MRPL1: variants seen among roughly 807,000 people sequenced by gnomAD.
MRPL1 encodes the protein large ribosomal subunit protein uL1m.
Under a neutral mutation model 38.0 loss-of-function variants are expected in MRPL1, and 28 were observed. The ratio of observed to expected loss-of-function variants is 0.74; its 90% CI spans 0.55 to 1.01. The LOEUF is 1.01. Ranked by LOEUF, MRPL1 falls within the 50% of genes least tolerant of loss-of-function variation. MRPL1 has a pLI of 0.00. For synonymous variants in MRPL1, 123 were observed against 126.7 expected (o/e 0.97, Z 0.20); for missense variants, 358 against 389.8 (o/e 0.92, Z 0.69).
intron 5 of MRPL1, among the ~76,000 whole-genome samples, chr4:77,891,576 G>A (rs181832544): frequency 5.0e-4 from 76 of 152,156 alleles, no homozygotes; most frequent in African/African-American, 1.6e-3. Context: ...GACTGGTCTC[G>A]AACTCCTGGC....
intron 7 of MRPL1, among the ~76,000 whole-genome samples, chr4:77,923,897 G>A (rs1736646874): frequency 6.6e-6 from 1 of 151,964 alleles, no homozygotes; most frequent in Non-Finnish European, 1.5e-5. Context: ...TGAACCTCAG[G>A]GGCGGAAGCA....
chr4:77,885,274 A>G lies in MRPL1; in HGVS notation c.421A>G (p.Thr141Ala), dbSNP rs1269008211. ...TGTTTAGAAAAACGTGGAGCCATTTACCAGTGTTCTTAGTTTGCCATACCC... is the reference window on the plus strand; with the variant it reads ...TGTTTAGAAAAACGTGGAGCCATTTGCCAGTGTTCTTAGTTTGCCATACCC... ...LGKKKNVEPF[T>A]SVLSLPYPFA... is the part of the protein sequence containing the mutation. Residue 141 changes from threonine (T) to alanine (A), a missense_variant, in exon 4 of 9, where the codon ACC becomes GCC. Transcript: ENST00000315567. 4 of 1,613,658 alleles carry G rather than the reference A, an allele frequency of 2.5e-6. No individual in the cohort carries two copies. Among genetic ancestry groups the G allele is most frequent in the Non-Finnish European group, 3.4e-6 (4 of 1,179,562 alleles).
intron 5 of MRPL1, among the ~76,000 whole-genome samples, chr4:77,888,144 A>C (rs1374294719): frequency 1.3e-5 from 2 of 152,284 alleles, no homozygotes; most frequent in East Asian, 1.9e-4. Context: ...TTTAGCTTCT[A>C]ATCCTTTCAG....
At chr4:77,877,180 G>A (rs762243486) in intron 2 of MRPL1, among the ~76,000 whole-genome samples, 6 of 152,192 alleles carry the variant, frequency 3.9e-5, no homozygotes, top group Middle Eastern at 3.2e-3. Flanking sequence ...GATTACAGGC[G>A]TTAGCCACCA....
At chr4:77,927,580 G>T (rs920986778) in intron 7 of MRPL1, among the ~76,000 whole-genome samples, 1 of 151,664 alleles carries the variant, frequency 6.6e-6, no homozygotes, top group African/African-American at 2.4e-5. Flanking sequence ...TACTTGTTCT[G>T]TTTCAGTTTA....
chr4:77,880,260 C>T (rs920064588), intron 2 of MRPL1, among the ~76,000 whole-genome samples: 1 of 152,136 alleles, frequency 6.6e-6, no homozygotes, highest in African/African-American at 2.4e-5. Context: ...CCTTGCAATC[C>T]CCAGCTTCAA....
At chr4:77,951,014 G>A (rs538400036) in intron 8 of MRPL1, among the ~76,000 whole-genome samples, 2 of 152,266 alleles carry the variant, frequency 1.3e-5, no homozygotes, top group East Asian at 3.9e-4. Flanking sequence ...GGGATTACAG[G>A]CACCTGCCAC....
At chr4:77,940,096 G>C (rs1223797599) in intron 7 of MRPL1, among the ~76,000 whole-genome samples, 1 of 152,058 alleles carries the variant, frequency 6.6e-6, no homozygotes, top group Non-Finnish European at 1.5e-5. Context: ...TCGGTATTTT[G>C]ATAGGAGTTG....
intron 6 of MRPL1, among the ~76,000 whole-genome samples, chr4:77,906,255 CTGA>C (rs1736155861): frequency 6.6e-6 from 1 of 152,068 alleles, no homozygotes; most frequent in Non-Finnish European, 1.5e-5. Context: ...TGAACTCCTG[CTGA>C]TAGGTCAAGT....
At chr4:77,883,738 C>T (rs183769590) in intron 3 of MRPL1, among the ~76,000 whole-genome samples, 1 of 152,064 alleles carries the variant, frequency 6.6e-6, no homozygotes, top group East Asian at 1.9e-4. Flanking sequence ...CTACCACGCC[C>T]AGCTAATTTT....
intron 6 of MRPL1, among the ~76,000 whole-genome samples, chr4:77,900,193 T>A (rs1370299354): frequency 6.6e-6 from 1 of 152,226 alleles, no homozygotes; most frequent in Non-Finnish European, 1.5e-5. Flanking sequence ...GAAGCTATTC[T>A]TTTTCATGTA....
At position 77,949,846 on chromosome 4, in the gene MRPL1, A is replaced by G. The variant is rs1208058715; in HGVS notation, c.827A>G (p.Asn276Ser). The G allele has an allele frequency of 1.2e-6, 2 of 1,611,766 alleles. No individual in the cohort carries two copies. Among genetic ancestry groups the G allele is most frequent in the Admixed American group, 3.4e-5 (2 of 59,604 alleles). ...QIAANLQAVI[N>S]EVCRHRPLNL... ...GCTGCCAATCTGCAAGCAGTTATTA[A>G]TGAAGTTTGTAGGCACAGACCGCTG... is the stretch of plus-strand genomic sequence containing the variant. Residue 276 changes from asparagine (N) to serine (S), a missense_variant, in exon 8 of 9, where the codon AAT becomes AGT. By Grantham distance (46) the Asn-to-Ser change is conservative (BLOSUM62 1). Coordinates refer to ENST00000315567, the MANE Select transcript of MRPL1 (RefSeq NM_020236.4).
At chr4:77,939,348 G>A (rs938632414) in intron 7 of MRPL1, among the ~76,000 whole-genome samples, 2 of 152,120 alleles carry the variant, frequency 1.3e-5, no homozygotes, top group African/African-American at 4.8e-5. Context: ...TTTGAGAATT[G>A]TCTCCCCATG....
chr4:77,921,688 T>C (rs1736584281), intron 7 of MRPL1, among the ~76,000 whole-genome samples: 1 of 152,094 alleles, frequency 6.6e-6, no homozygotes, highest in Admixed American at 6.6e-5. Context: ...ATTACATATT[T>C]TACTGACAAT....
At chr4:77,877,744 C>T (rs1272154132) in intron 2 of MRPL1, among the ~76,000 whole-genome samples, 1 of 151,844 alleles carries the variant, frequency 6.6e-6, no homozygotes, top group Non-Finnish European at 1.5e-5. Flanking sequence ...TTTCCTAGCC[C>T]TTCCCTAGCT....
chr4:77,918,728 C>T (rs1217244866), intron 7 of MRPL1, among the ~76,000 whole-genome samples: 1 of 151,756 alleles, frequency 6.6e-6, no homozygotes, highest in Non-Finnish European at 1.5e-5. Flanking sequence ...AACCAGGAAA[C>T]CTAAAGGAAT....
chr4:77,938,693 CCCTCAGT>C (rs1737047784), intron 7 of MRPL1, among the ~76,000 whole-genome samples: 1 of 152,184 alleles, frequency 6.6e-6, no homozygotes, highest in Admixed American at 6.5e-5. Context: ...GGCCCCACAG[CCCTCAGT>C]CTGTTAACCC....
chr4:77,945,591 A>G (rs1737240928), intron 7 of MRPL1, among the ~76,000 whole-genome samples: 1 of 152,074 alleles, frequency 6.6e-6, no homozygotes, highest in Admixed American at 6.5e-5. Context: ...CCTGCCCCCA[A>G]TATTTCATCG....
intron 1 of MRPL1, among the ~76,000 whole-genome samples, chr4:77,866,299 G>A (rs1433018662): frequency 6.6e-6 from 1 of 152,146 alleles, no homozygotes. Context: ...TGATCCACCC[G>A]CCTCAGCATC....
Sources: gnomAD v4.1 joint callset for allele counts (sites outside exome capture counted in the v4.1 genomes callset) on GRCh38, gnomAD v4.1.1 for gene constraint, MANE v1.5 for transcripts, NCBI Gene and HGNC (gene_info 2026-07-23, HGNC 2026-07-21) for gene names.